GALNT18: variants seen among roughly 807,000 people sequenced by gnomAD.
GALNT18 encodes GalNAc-transferase 18.
In GALNT18, 44 loss-of-function variants were observed where a neutral mutation model predicts 69.5. The observed-to-expected ratio is 0.63, with a 90% CI of 0.50 to 0.81. The LOEUF (loss-of-function observed/expected upper bound fraction) is 0.81. Ranked by LOEUF, GALNT18 falls within the 40% of genes least tolerant of loss-of-function variation. GALNT18 has a pLI of 0.00. For synonymous variants in GALNT18, 364 were observed against 318.2 expected (o/e 1.14, Z -1.53); for missense variants, 715 against 810.0 (o/e 0.88, Z 1.42).
At chr11:11,611,358 A>T (rs1859895490) in intron 1 of GALNT18, among the ~76,000 whole-genome samples, 1 of 152,212 alleles carries the variant, frequency 6.6e-6, no homozygotes, top group South Asian at 2.1e-4. Context: ...GGAATAACAA[A>T]AAAGAGAGGA....
rs1301013638 is a variant in GALNT18, at chr11:11,402,846, TC to T, written c.596-23583del. ...TGCTGTTGGCATCTGACAAGGAGCC[TC>T]AGGTGTCCCCACGGGCCCCGGAGAT... On this transcript the variant is annotated intron_variant, in intron 3 of 10. Transcript: ENST00000227756. The surrounding 1 kb of genome is among the most constrained non-coding windows in gnomAD (Gnocchi z 4.0). 2.6e-5 allele frequency among the ~76,000 whole-genome samples: 4 copies of T among 152,210 alleles called. No individual in the cohort carries two copies. Among genetic ancestry groups the T allele is most frequent in the Admixed American group, 2.6e-4 (4 of 15,286 alleles).
intron 1 of GALNT18, among the ~76,000 whole-genome samples, chr11:11,502,812 G>A (rs1450408550): frequency 6.6e-6 from 1 of 152,198 alleles, no homozygotes; most frequent in Non-Finnish European, 1.5e-5. Context: ...CGTATCCTCA[G>A]ATAAATTCAC....
intron 9 of GALNT18, among the ~76,000 whole-genome samples, chr11:11,312,146 C>T (rs11021782): frequency 0.34 from 50,728 of 150,234 alleles, 8,866 homozygotes; most frequent in Admixed American, 0.38. Context: ...TTAGTAGAGA[C>T]GGGGTCTCAC....
chr11:11,558,186 G>A (rs1409898051), intron 1 of GALNT18, among the ~76,000 whole-genome samples: 4 of 152,192 alleles, frequency 2.6e-5, no homozygotes, highest in African/African-American at 9.6e-5. Flanking sequence ...ACATTGTAAT[G>A]TTTTTGAAAT....
In GALNT18 at chr11:11,523,069, T is replaced by C. The variant is rs538810455; in HGVS notation, c.236-74133A>G. Among the ~76,000 whole-genome samples, 1 of 152,366 alleles carries C rather than the reference T, an allele frequency of 6.6e-6. No homozygotes were observed. The highest frequency in any genetic ancestry group is 1.9e-4 in the East Asian group (1 of 5,188). On this transcript the variant is annotated intron_variant, in intron 1 of 10. Transcript: ENST00000227756. This position sits in a 1 kb window ranked among gnomAD's most constrained non-coding sequence, Gnocchi z 4.3. ...CTTGCCAAGAAAGTAGCAATTTACA[T>C]GCTTTTTCTTATTACAAGCCCTTTC...
chr11:11,313,031 C>G (rs1849694778), intron 9 of GALNT18, among the ~76,000 whole-genome samples: 1 of 152,110 alleles, frequency 6.6e-6, no homozygotes. Context: ...CTAAGAATAA[C>G]AAGTAAGGAC....
intron 6 of GALNT18, among the ~76,000 whole-genome samples, chr11:11,370,040 G>GAT (rs1400530482): frequency 6.6e-6 from 1 of 151,732 alleles, no homozygotes; most frequent in Admixed American, 6.6e-5. Flanking sequence ...ATGACCTTGA[G>GAT]ATATATGTAA....
At chr11:11,391,778 G>A (rs538347647) in intron 3 of GALNT18, among the ~76,000 whole-genome samples, 2 of 152,342 alleles carry the variant, frequency 1.3e-5, no homozygotes, top group African/African-American at 4.8e-5. Context: ...AGTCTGTCCT[G>A]TGCAAGGCAC....
rs1856497811 is a variant in GALNT18 at position 11,480,285 on chromosome 11, C to G, written c.236-31349G>C. On this transcript the variant is annotated intron_variant, in intron 1 of 10. Transcript: ENST00000227756. The surrounding 1 kb of genome is among the most constrained non-coding windows in gnomAD (Gnocchi z 4.6). The stretch of plus-strand genomic sequence containing the variant: ...CTCTCTTTCTCTCTCTCTCGCCCCC[C>G]TCGCCCCAACCTCAGTCATATCCCA... 6.6e-6 allele frequency among the ~76,000 whole-genome samples: 1 copy of G among 152,178 alleles called. No individual in the cohort carries two copies. Among genetic ancestry groups the G allele is most frequent in the East Asian group, 1.9e-4 (1 of 5,174 alleles).
intron 8 of GALNT18, among the ~76,000 whole-genome samples, chr11:11,327,867 T>C (rs1261054323): frequency 2.6e-5 from 4 of 152,198 alleles, no homozygotes; most frequent in Non-Finnish European, 5.9e-5. Flanking sequence ...GGGCAGCCCA[T>C]AGACCTCATG....
At chr11:11,455,671 G>A (rs1262565068) in intron 1 of GALNT18, among the ~76,000 whole-genome samples, 1 of 152,212 alleles carries the variant, frequency 6.6e-6, no homozygotes, top group East Asian at 1.9e-4. Flanking sequence ...ATGGGGGCAG[G>A]AAGAACCACA....
chr11:11,408,101 C>T (rs1239192513), intron 3 of GALNT18, among the ~76,000 whole-genome samples: 1 of 152,172 alleles, frequency 6.6e-6, no homozygotes, highest in South Asian at 2.1e-4. Flanking sequence ...CGTGGTGGCT[C>T]ACGCCTATAA....
At position 11,372,072 on chromosome 11, in the gene GALNT18, A is replaced by T. The variant is rs1283678667; in HGVS notation, c.1092+443T>A. Among the ~76,000 whole-genome samples, 2 of 152,180 alleles carry T rather than the reference A, an allele frequency of 1.3e-5. No homozygotes were observed. The highest frequency in any genetic ancestry group is 4.8e-5 in the African/African-American group (2 of 41,442). On this transcript the variant is annotated intron_variant, in intron 6 of 10. Coordinates refer to ENST00000227756, the MANE Select transcript of GALNT18 (RefSeq NM_198516.3). This position sits in a 1 kb window ranked among gnomAD's most constrained non-coding sequence, Gnocchi z 4.9. ...CACCCTGAGTTTATTTCTCTGGGCT[A>T]TCTCTTAACAAAGTCTTTGGGAATG...
In GALNT18 at chr11:11,606,882, G is replaced by A. The variant is rs976494450; in HGVS notation, c.235+14477C>T. On this transcript the variant is annotated intron_variant, in intron 1 of 10. Transcript: ENST00000227756. The surrounding 1 kb of genome is among the most constrained non-coding windows in gnomAD (Gnocchi z 5.4). ...AGTCCTCAAGTTGCATTGGGTCTTGGATCCTTCAGCAAACAGTTTGAGGGT... is the reference window on the plus strand; with the variant it reads ...AGTCCTCAAGTTGCATTGGGTCTTGAATCCTTCAGCAAACAGTTTGAGGGT... Among the ~76,000 whole-genome samples the A allele has an allele frequency of 6.6e-6, 1 of 152,174 alleles. No homozygotes were observed. Among genetic ancestry groups the A allele is most frequent in the African/African-American group, 2.4e-5 (1 of 41,436 alleles).
At chr11:11,412,601 G>C (rs982761607) in intron 3 of GALNT18, among the ~76,000 whole-genome samples, 1 of 152,232 alleles carries the variant, frequency 6.6e-6, no homozygotes, top group Non-Finnish European at 1.5e-5. Flanking sequence ...ACCTGCAGAG[G>C]TTCCAGCATG....
At chr11:11,307,007 C>A (rs1849590063) in intron 9 of GALNT18, among the ~76,000 whole-genome samples, 1 of 152,212 alleles carries the variant, frequency 6.6e-6, no homozygotes, top group Non-Finnish European at 1.5e-5. Context: ...GATGATAACA[C>A]ACACATGGCC....
chr11:11,418,019 AC>A lies in GALNT18; in HGVS notation c.595+14601del, dbSNP rs550149439. On this transcript the variant is annotated intron_variant, in intron 3 of 10. Transcript: ENST00000227756. ...ACCAGCCTGAAGGCGGGGTGTATATACCTGCGAGGAAGACATGTATTCTGAT... is the reference window on the plus strand; with the variant it reads ...ACCAGCCTGAAGGCGGGGTGTATATACTGCGAGGAAGACATGTATTCTGAT... Among the ~76,000 whole-genome samples, 449 of 152,366 alleles carry A rather than the reference AC, an allele frequency of 2.9e-3. 3 individuals are homozygous for A. The highest frequency in any genetic ancestry group is 0.014 in the Middle Eastern group (4 of 294).
At chr11:11,304,929 G>A (rs149980311) in intron 9 of GALNT18, among the ~76,000 whole-genome samples, 1 of 152,312 alleles carries the variant, frequency 6.6e-6, no homozygotes, top group Non-Finnish European at 1.5e-5. Flanking sequence ...GACAACCGAG[G>A]AGCATGAGTA....
In GALNT18 at chr11:11,469,092, C is replaced by T. The variant is rs1367360106; in HGVS notation, c.236-20156G>A. Among the ~76,000 whole-genome samples, 1 of 152,202 alleles carries T rather than the reference C, an allele frequency of 6.6e-6. No homozygotes were observed. Among genetic ancestry groups the T allele is most frequent in the East Asian group, 1.9e-4 (1 of 5,198 alleles). The stretch of plus-strand genomic sequence containing the variant: ...GAGATGAGGCCACCAGGACACAGCA[C>T]TCTTTAACCACGTCACTGTGAATCA... On this transcript the variant is annotated intron_variant, in intron 1 of 10. Transcript: ENST00000227756. The surrounding 1 kb of genome is among the most constrained non-coding windows in gnomAD (Gnocchi z 4.2).
Sources: allele counts gnomAD v4.1 joint callset (sites outside exome capture counted in the v4.1 genomes callset), GRCh38; gene constraint gnomAD v4.1.1; non-coding constraint Gnocchi (gnomAD v3.1); transcripts MANE v1.5; gene names NCBI Gene and HGNC (gene_info 2026-07-23, HGNC 2026-07-21).